The following NUBPL variants were observed in gnomAD, a reference collection of about 807,000 sequenced individuals.
NUBPL encodes the protein iron-sulfur cluster transfer protein NUBPL.
A neutral mutation model predicts 45.7 loss-of-function variants in NUBPL; 31 were observed. The ratio of observed to expected loss-of-function variants is 0.68; its 90% CI spans 0.51 to 0.92. The LOEUF is 0.92. Among genes scored for constraint, NUBPL ranks in the 40% least tolerant of loss-of-function variants. The probability of loss-of-function intolerance (pLI) is 0.00; values close to 1 mark genes in which losing one functional copy is unlikely to be tolerated. For synonymous variants in NUBPL, 144 were observed against 140.9 expected (o/e 1.02, Z -0.15); for missense variants, 401 against 398.7 (o/e 1.01, Z -0.05).
intron 6 of NUBPL, among the ~76,000 whole-genome samples, chr14:31,687,989 A>G (rs2036994143): frequency 6.6e-6 from 1 of 152,234 alleles, no homozygotes; most frequent in Non-Finnish European, 1.5e-5. Flanking sequence ...AAAACCTTGC[A>G]CATTTTGCCA....
At chr14:31,662,469 C>CA (rs2036295524) in intron 4 of NUBPL, among the ~76,000 whole-genome samples, 1 of 152,058 alleles carries the variant, frequency 6.6e-6, no homozygotes, top group Middle Eastern at 3.4e-3. Flanking sequence ...TCCCTTCCCT[C>CA]TGCCCCCCAC....
At chr14:31,647,942 G>T (rs1279133150) in intron 4 of NUBPL, among the ~76,000 whole-genome samples, 1 of 152,154 alleles carries the variant, frequency 6.6e-6, no homozygotes, top group Non-Finnish European at 1.5e-5. Context: ...GGTTAATAAG[G>T]TTGTACATGT....
chr14:31,734,071 T>C (rs2038111552), intron 6 of NUBPL, among the ~76,000 whole-genome samples: 1 of 152,204 alleles, frequency 6.6e-6, no homozygotes, highest in Non-Finnish European at 1.5e-5. Context: ...TTACATTAAA[T>C]CAACCTTGTA....
intron 7 of NUBPL, among the ~76,000 whole-genome samples, chr14:31,825,965 G>A (rs1474283293): frequency 6.6e-6 from 1 of 151,790 alleles, no homozygotes. Context: ...TTGGATTACA[G>A]GCACATGTCA....
At chr14:31,853,783 A>G (rs1411322410) in intron 10 of NUBPL, among the ~76,000 whole-genome samples, 1 of 152,170 alleles carries the variant, frequency 6.6e-6, no homozygotes, top group East Asian at 1.9e-4. Context: ...AAATGTGACT[A>G]GTGTAAAGCA....
At chr14:31,822,123 C>G (rs2040027627) in intron 7 of NUBPL, among the ~76,000 whole-genome samples, 1 of 152,026 alleles carries the variant, frequency 6.6e-6, no homozygotes, top group East Asian at 1.9e-4. Flanking sequence ...TAGTATTTGA[C>G]AGCACAACAG....
At chr14:31,785,621 C>T (rs1023602375) in intron 6 of NUBPL, among the ~76,000 whole-genome samples, 1 of 152,194 alleles carries the variant, frequency 6.6e-6, no homozygotes, top group Non-Finnish European at 1.5e-5. Context: ...TAGTTTTCTT[C>T]ACAGCACTTA....
intron 6 of NUBPL, among the ~76,000 whole-genome samples, chr14:31,757,837 G>T (rs1395501892): frequency 1.3e-5 from 2 of 152,030 alleles, no homozygotes; most frequent in East Asian, 1.9e-4. Flanking sequence ...AACCTAGTCT[G>T]ACCTCTACTT....
chr14:31,583,192 T>C (rs1296146436), intron 3 of NUBPL, among the ~76,000 whole-genome samples: 1 of 152,174 alleles, frequency 6.6e-6, no homozygotes, highest in African/African-American at 2.4e-5. Context: ...ACATAGGCAG[T>C]AGTAAATCAA....
intron 3 of NUBPL, among the ~76,000 whole-genome samples, chr14:31,570,700 T>G (rs1285577590): frequency 6.6e-6 from 1 of 152,198 alleles, no homozygotes. Flanking sequence ...GTTCCTATTT[T>G]AATTAAGGCA....
chr14:31,640,110 A>G (rs1425596681), intron 4 of NUBPL, among the ~76,000 whole-genome samples: 1 of 152,154 alleles, frequency 6.6e-6, no homozygotes, highest in South Asian at 2.1e-4. Context: ...GCCCACTGTC[A>G]GGCACTCCCT....
chr14:31,718,663 G>A (rs1040416629), intron 6 of NUBPL, among the ~76,000 whole-genome samples: 13 of 152,120 alleles, frequency 8.5e-5, no homozygotes, highest in African/African-American at 3.1e-4. Context: ...CAGGATGTAT[G>A]AGGAGTTGCC....
At chr14:31,619,295 A>G (rs2034995968) in intron 4 of NUBPL, among the ~76,000 whole-genome samples, 1 of 152,078 alleles carries the variant, frequency 6.6e-6, no homozygotes, top group Admixed American at 6.5e-5. Context: ...TTTAAGGTTA[A>G]TATTGTTATG....
intron 6 of NUBPL, among the ~76,000 whole-genome samples, chr14:31,711,256 G>A (rs2037564233): frequency 6.6e-6 from 1 of 152,138 alleles, no homozygotes; most frequent in South Asian, 2.1e-4. Context: ...CTGGTTCTAG[G>A]CAAACCAACG....
At chr14:31,818,310 A>G (rs150670618) in intron 7 of NUBPL, among the ~76,000 whole-genome samples, 13 of 152,278 alleles carry the variant, frequency 8.5e-5, no homozygotes, top group African/African-American at 2.9e-4. Context: ...AGCGGATATA[A>G]TAGACATCTA....
chr14:31,695,665 C>T (rs1029008945), intron 6 of NUBPL, among the ~76,000 whole-genome samples: 4 of 152,170 alleles, frequency 2.6e-5, no homozygotes, highest in Non-Finnish European at 4.4e-5. Context: ...ATTGCTTACT[C>T]GTCCTTTCTT....
intron 6 of NUBPL, among the ~76,000 whole-genome samples, chr14:31,783,490 G>C (rs1257238268): frequency 1.4e-5 from 2 of 145,298 alleles, no homozygotes; most frequent in African/African-American, 5.0e-5. Context: ...AGTATTTTTT[G>C]TTCCTTGGAA....
At chr14:31,587,787 A>G (rs2034032070) in intron 3 of NUBPL, among the ~76,000 whole-genome samples, 1 of 152,210 alleles carries the variant, frequency 6.6e-6, no homozygotes, top group Non-Finnish European at 1.5e-5. Flanking sequence ...TAAAACCTTA[A>G]ACTATACATG....
At chr14:31,853,735 GCACATGTA>G (rs1221311737) in intron 10 of NUBPL, among the ~76,000 whole-genome samples, 1 of 152,126 alleles carries the variant, frequency 6.6e-6, no homozygotes, top group Non-Finnish European at 1.5e-5. Flanking sequence ...AAAACCTTCT[GCACATGTA>G]CACCACTTAG....
Sources: allele counts gnomAD v4.1 joint callset (sites outside exome capture counted in the v4.1 genomes callset), GRCh38; gene constraint gnomAD v4.1.1; transcripts MANE v1.5; gene names NCBI Gene and HGNC (gene_info 2026-07-23, HGNC 2026-07-21).